The following PHLPP2 variants were observed in gnomAD, a reference collection of about 807,000 sequenced individuals.
The protein encoded by PHLPP2 is PH domain leucine-rich repeat-containing protein phosphatase 2.
PHLPP2 carries 66 observed loss-of-function variants against 124.9 expected under a neutral mutation model. That is an observed-to-expected ratio of 0.53 (90% CI 0.43 to 0.65). PHLPP2 has a LOEUF of 0.65. Ranked by LOEUF, PHLPP2 falls within the 30% of genes least tolerant of loss-of-function variation. PHLPP2 has a pLI of 0.00. For missense variants in PHLPP2, 1,685 were observed against 1,600.4 expected (o/e 1.05, Z -0.90); for synonymous variants, 681 against 624.7 (o/e 1.09, Z -1.34).
chr16:71,692,554 A>C lies in PHLPP2; in HGVS notation c.419-1845T>G, dbSNP rs371330211. ...TCAATAAAACTTTGTATATTAATAC[A>C]CTATACAGGATAAGCATTTCACCTT... is the stretch of plus-strand genomic sequence containing the variant. On this transcript the variant is annotated intron_variant, in intron 3 of 18. Transcript: ENST00000568954. 3.4e-4 allele frequency among the ~76,000 whole-genome samples: 52 copies of C among 152,340 alleles called. 2 individuals carry two copies. The East Asian group carries it at 9.2e-3, about 27-fold the overall frequency.
intron 9 of PHLPP2, among the ~76,000 whole-genome samples, chr16:71,673,699 G>GT (rs2044915631): frequency 6.6e-6 from 1 of 152,090 alleles, no homozygotes; most frequent in Non-Finnish European, 1.5e-5. Flanking sequence ...TTTACAAAGA[G>GT]TAAATATTTA....
intron 2 of PHLPP2, among the ~76,000 whole-genome samples, chr16:71,704,662 G>A (rs897853787): frequency 2.6e-5 from 4 of 152,000 alleles, no homozygotes; most frequent in Admixed American, 2.6e-4. Flanking sequence ...AGCCTGTAAC[G>A]ACCAATAAAG....
At chr16:71,674,514 C>T (rs1379538179) in intron 9 of PHLPP2, among the ~76,000 whole-genome samples, 1 of 151,660 alleles carries the variant, frequency 6.6e-6, no homozygotes, top group South Asian at 2.1e-4. Flanking sequence ...AACAATATTT[C>T]TGTGAGTGTT....
At position 71,664,337 on chromosome 16, in the gene PHLPP2, C is replaced by T. The variant is rs928244079; in HGVS notation, c.1785-238G>A. 7 of 558,378 alleles carry T rather than the reference C, an allele frequency of 1.3e-5. No homozygotes were observed. The East Asian group carries it at 1.8e-4, about 14-fold the overall frequency. 34.6% of individuals were successfully genotyped at this position (558,378 alleles called of 1,614,324 possible). On this transcript the variant is annotated intron_variant, in intron 12 of 18. Transcript: ENST00000568954. The stretch of plus-strand genomic sequence containing the variant: ...GTACAAGCCTGGTTGTTTTCCCAGG[C>T]TTCTGGAGTGCCTGATTCTAACCTA...
intron 6 of PHLPP2, among the ~76,000 whole-genome samples, chr16:71,681,315 G>T (rs2044995248): frequency 6.6e-6 from 1 of 152,188 alleles, no homozygotes; most frequent in South Asian, 2.1e-4. Context: ...GAACAGAGAA[G>T]CTTCACAGCT....
In PHLPP2 at chr16:71,647,169, T is replaced by C. The variant is rs1447485604; in HGVS notation, c.*1721A>G. On this transcript the variant is annotated 3_prime_UTR_variant, in exon 19 of 19. Transcript: ENST00000568954. ...AAGTGTTCCAAAAATTCAAAGCACA[T>C]TCCCCATTGGGTAAAATCAAGCAAT... 6.6e-6 allele frequency: 1 copy of C among 152,636 alleles called. No homozygotes were observed. The highest frequency in any genetic ancestry group is 2.4e-5 in the African/African-American group (1 of 41,462). The allele number at this position is 152,636 out of a possible 1,614,324, so 9.5% of individuals were successfully genotyped here.
Position 71,696,456 on chromosome 16 carries a change from G to A in PHLPP2, c.419-5747C>T, listed in dbSNP as rs184454419. Among the ~76,000 whole-genome samples, 11 of 152,208 alleles carry A rather than the reference G, an allele frequency of 7.2e-5. No homozygotes were observed. The East Asian group carries it at 2.1e-3, about 29-fold the overall frequency. The stretch of plus-strand genomic sequence containing the variant: ...GTTCGAGACCAGCCTGACCAACATG[G>A]TGAAACCCTGTCTCTACTAAAAATA... On this transcript the variant is annotated intron_variant, in intron 3 of 18. Transcript: ENST00000568954.
intron 1 of PHLPP2, among the ~76,000 whole-genome samples, chr16:71,722,945 A>G (rs2045407619): frequency 6.6e-6 from 1 of 152,146 alleles, no homozygotes; most frequent in Non-Finnish European, 1.5e-5. Context: ...CTTACTTCTC[A>G]TCACCTTCAA....
intron 12 of PHLPP2, among the ~76,000 whole-genome samples, chr16:71,664,911 C>T (rs1445500815): frequency 6.6e-6 from 1 of 152,196 alleles, no homozygotes; most frequent in African/African-American, 2.4e-5. Flanking sequence ...TAACCAATTA[C>T]TTCCTTAGGG....
At chr16:71,681,970 T>C in intron 5 of PHLPP2, 65 bp from the exon 6 acceptor site, 1 of 1,174,806 alleles carries the variant, frequency 8.5e-7, no homozygotes, top group Non-Finnish European at 1.2e-6. Context: ...CAGCAAAGAA[T>C]GGAATGGCAT....
Position 71,645,617 on chromosome 16 carries a change from A to C in PHLPP2, c.*3273T>G, listed in dbSNP as rs2044648135. The C allele has an allele frequency of 1.3e-5, 2 of 153,110 alleles. No homozygotes were observed. Among genetic ancestry groups the C allele is most frequent in the South Asian group, 4.1e-4 (2 of 4,836 alleles). 9.5% of individuals were successfully genotyped at this position (153,110 alleles called of 1,614,324 possible). On this transcript the variant is annotated 3_prime_UTR_variant, in exon 19 of 19. Transcript: ENST00000568954. ...GGAAGAAGAGCATCATTTGATATTCAGTAGATCTGCCACACCCAACTGGCT... is the reference window on the plus strand; with the variant it reads ...GGAAGAAGAGCATCATTTGATATTCCGTAGATCTGCCACACCCAACTGGCT...
intron 3 of PHLPP2, chr16:71,698,675 G>A: frequency 3.9e-6 from 2 of 508,264 alleles, no homozygotes; most frequent in South Asian, 1.8e-5. Context: ...CTGAGGAAAG[G>A]AACTCAGTTG....
intron 17 of PHLPP2, among the ~76,000 whole-genome samples, chr16:71,654,024 T>C (rs1567611883): frequency 1.3e-5 from 2 of 151,806 alleles, no homozygotes; most frequent in Non-Finnish European, 2.9e-5. Context: ...TGAAAACCCA[T>C]CTCTACTAAA....
intron 1 of PHLPP2, among the ~76,000 whole-genome samples, chr16:71,718,029 C>T (rs1444151738): frequency 6.6e-6 from 1 of 152,086 alleles, no homozygotes; most frequent in African/African-American, 2.4e-5. Flanking sequence ...GTAGCTGGGA[C>T]TACATGCACA....
At chr16:71,719,568 CAT>C (rs2045384498) in intron 1 of PHLPP2, among the ~76,000 whole-genome samples, 1 of 151,376 alleles carries the variant, frequency 6.6e-6, no homozygotes, top group Non-Finnish European at 1.5e-5. Context: ...ATTTTTTTGG[CAT>C]TAATTGTTTA....
chr16:71,679,899 G>T (rs2044981364), intron 6 of PHLPP2, among the ~76,000 whole-genome samples: 1 of 152,074 alleles, frequency 6.6e-6, no homozygotes, highest in Non-Finnish European at 1.5e-5. Context: ...TGGCTAACTT[G>T]GTGAAACCCC....
chr16:71,715,823 C>CAAAAAAA (rs71153656), intron 1 of PHLPP2, among the ~76,000 whole-genome samples: 1 of 113,070 alleles, frequency 8.8e-6, no homozygotes, highest in Non-Finnish European at 1.8e-5. Context: ...ACTAAAAATA[C>CAAAAAAA]AAAAAAAAAA....
intron 2 of PHLPP2, among the ~76,000 whole-genome samples, chr16:71,708,544 T>C (rs557242392): frequency 1.6e-4 from 24 of 152,328 alleles, no homozygotes; most frequent in Admixed American, 5.9e-4. Flanking sequence ...CAAAGCCTGT[T>C]TGGTGGTCTC....
intron 2 of PHLPP2, among the ~76,000 whole-genome samples, chr16:71,710,577 C>T (rs1263835471): frequency 6.6e-6 from 1 of 152,158 alleles, no homozygotes. Context: ...TTATTGAGCA[C>T]TTGTTAGGTG....
Sources: gnomAD v4.1 joint callset for allele counts (sites outside exome capture counted in the v4.1 genomes callset) on GRCh38, gnomAD v4.1.1 for gene constraint, MANE v1.5 for transcripts, NCBI Gene and HGNC (gene_info 2026-07-23, HGNC 2026-07-21) for gene names.